Variants in TSHR observed in about 807,000 individuals in gnomAD.
The protein encoded by TSHR is thyroid stimulating hormone receptor, also known as thyrotropin receptor.
In TSHR, 51 loss-of-function variants were observed where a neutral mutation model predicts 64.1. That is an observed-to-expected ratio of 0.80 (90% confidence interval 0.64 to 1.01). The LOEUF is 1.01. TSHR is among the 50% of genes least tolerant of loss of function. The pLI is 0.00. For missense variants in TSHR, 877 were observed against 942.8 expected (o/e 0.93, Z 0.91); for synonymous variants, 361 against 361.9 (o/e 1.00, Z 0.03).
chr14:81,054,912 C>T (rs1434956890), intron 1 of TSHR, among the ~76,000 whole-genome samples: 5 of 152,134 alleles, frequency 3.3e-5, no homozygotes, highest in African/African-American at 9.7e-5. Context: ...AAATTCAAGC[C>T]AGCTGCAGAA....
chr14:81,036,447 G>C (rs1339143909), intron 1 of TSHR, among the ~76,000 whole-genome samples: 1 of 152,160 alleles, frequency 6.6e-6, no homozygotes, highest in Non-Finnish European at 1.5e-5. Flanking sequence ...AGTGCTTAAA[G>C]AGGTGAGGTG....
At position 81,143,064 on chromosome 14, in the gene TSHR, G is replaced by C; in HGVS notation, c.1006G>C (p.Gly336Arg). The C allele has an allele frequency of 1.2e-6, 2 of 1,614,112 alleles. No homozygotes were observed. Among genetic ancestry groups the C allele is most frequent in the Non-Finnish European group, 1.7e-6 (2 of 1,180,016 alleles). Reference protein sequence around the residue: ...YEENLGDSIVGYKEKSKFQDT... With the variant: ...YEENLGDSIVRYKEKSKFQDT... Reference sequence around the variant, plus strand: ...AGAGAATCTGGGTGACAGCATTGTTGGGTACAAGGAAAAGTCCAAGTTCCA... The same window carrying C: ...AGAGAATCTGGGTGACAGCATTGTTCGGTACAAGGAAAAGTCCAAGTTCCA... Residue 336 changes from glycine to arginine, a missense_variant, in exon 10 of 10, where the codon GGG (glycine) becomes CGG (arginine). By Grantham distance (125) the Gly-to-Arg change is moderately radical (BLOSUM62 -2). Coordinates refer to ENST00000298171, the MANE Select transcript of TSHR (RefSeq NM_000369.5).
chr14:81,063,774 G>C (rs1170259528), intron 2 of TSHR, among the ~76,000 whole-genome samples: 1 of 152,028 alleles, frequency 6.6e-6, no homozygotes, highest in African/African-American at 2.4e-5. Flanking sequence ...ATCATGATGG[G>C]GTCAGTTATT....
intron 3 of TSHR, among the ~76,000 whole-genome samples, chr14:81,072,873 T>C (rs1399428002): frequency 7.2e-6 from 1 of 139,632 alleles, no homozygotes; most frequent in Non-Finnish European, 1.5e-5. Context: ...GGCGGGCGCC[T>C]GTAGTCCCAG....
intron 2 of TSHR, among the ~76,000 whole-genome samples, chr14:81,066,707 G>T (rs80313043): frequency 0.011 from 1,649 of 152,270 alleles, 35 homozygotes; most frequent in African/African-American, 0.035. Context: ...AAAAATAAAA[G>T]TACTTGACTC....
In TSHR at chr14:81,073,005, A is replaced by T. The variant is rs200420707; in HGVS notation, c.317+4677A>T. Among the ~76,000 whole-genome samples the T allele has an allele frequency of 3.2e-3, 212 of 66,206 alleles. 41 individuals are homozygous for T. The highest frequency in any genetic ancestry group is 5.8e-3 in the East Asian group (17 of 2,946). The allele number at this position is 66,206 out of a possible 152,430, so 43.4% of individuals were successfully genotyped here. A position where few individuals can be genotyped will look rare whatever the true frequency, so the allele number is the denominator to read the frequency against. The stretch of plus-strand genomic sequence containing the variant: ...GAGCGAGACTCCGTCTCAAAAAAAA[A>T]AAAAAATAAAAAATAAATATATATA... On this transcript the variant is annotated intron_variant, in intron 3 of 9. Transcript: ENST00000298171.
chr14:81,032,978 C>T, intron 1 of TSHR: 1 of 349,964 alleles, frequency 2.9e-6, no homozygotes, highest in South Asian at 3.1e-5. Flanking sequence ...ACAAAAGGTG[C>T]ACCAAAAGTC....
At chr14:81,107,540 T>G in intron 7 of TSHR, among the ~76,000 whole-genome samples, 1 of 152,240 alleles carries the variant, frequency 6.6e-6, no homozygotes. Flanking sequence ...GAGGGAATTT[T>G]ATTTCAAAAT....
chr14:81,129,485 A>C (rs1250266550), intron 8 of TSHR, among the ~76,000 whole-genome samples: 1 of 152,176 alleles, frequency 6.6e-6, no homozygotes, highest in Non-Finnish European at 1.5e-5. Flanking sequence ...GGGCTTTTGC[A>C]GCTGAACATA....
chr14:81,079,537 A>T (rs1887739674), intron 3 of TSHR, among the ~76,000 whole-genome samples: 1 of 152,222 alleles, frequency 6.6e-6, no homozygotes, highest in African/African-American at 2.4e-5. Context: ...AATCTCTTTA[A>T]TTAAAATATC....
intron 1 of TSHR, among the ~76,000 whole-genome samples, chr14:80,967,283 A>ATT (rs35619720): frequency 6.3e-4 from 70 of 111,868 alleles, no homozygotes; most frequent in South Asian, 1.6e-3. Flanking sequence ...CCTGACTTAC[A>ATT]TTTTTTTTTT....
At chr14:81,019,957 T>A (rs1241836523) in intron 1 of TSHR, among the ~76,000 whole-genome samples, 3 of 152,212 alleles carry the variant, frequency 2.0e-5, no homozygotes, top group Non-Finnish European at 4.4e-5. Context: ...TGACTTATAA[T>A]CCTTTGGGTA....
chr14:81,108,229 A>G, intron 7 of TSHR, 146 bp from the exon 8 acceptor site: 1 of 720,394 alleles, frequency 1.4e-6, no homozygotes, highest in South Asian at 1.7e-5. Flanking sequence ...TAAGTGCTCA[A>G]GCCAGAAGAA....
intron 4 of TSHR, 69 bp from the exon 5 acceptor site, chr14:81,091,000 C>T: frequency 1.5e-6 from 2 of 1,329,406 alleles, no homozygotes; most frequent in Admixed American, 1.7e-5. Context: ...TTACATTATT[C>T]TCCTTCCTAT....
intron 1 of TSHR, among the ~76,000 whole-genome samples, chr14:81,040,561 A>C (rs1000264090): frequency 9.2e-5 from 14 of 152,272 alleles, no homozygotes; most frequent in Admixed American, 2.6e-4. Context: ...CAAAGCATAC[A>C]TCTGATAAAG....
intron 1 of TSHR, among the ~76,000 whole-genome samples, chr14:81,015,223 T>C (rs750999654): frequency 4.6e-5 from 7 of 152,190 alleles, no homozygotes; most frequent in South Asian, 2.1e-4. Flanking sequence ...TTACACTGTA[T>C]CTAGAAAGTT....
At position 81,146,063 on chromosome 14, in the gene TSHR, A is replaced by G. The variant is rs1282268816; in HGVS notation, c.*1710A>G. 1 of 230,694 alleles carries G rather than the reference A, an allele frequency of 4.3e-6. No homozygotes were observed. Among genetic ancestry groups the G allele is most frequent in the East Asian group, 6.1e-5 (1 of 16,266 alleles). 14.3% of individuals were successfully genotyped at this position (230,694 alleles called of 1,614,324 possible). A position where few individuals can be genotyped will look rare whatever the true frequency, so the allele number is the denominator to read the frequency against. ...AGAAATATTATAAACATCGAAAATC[A>G]TGACTTACCTAGAAGTTCGCTTGTA... On this transcript the variant is annotated 3_prime_UTR_variant, in exon 10 of 10. Coordinates refer to ENST00000298171, the MANE Select transcript of TSHR (RefSeq NM_000369.5).
chr14:81,102,121 G>A (rs1200230515), intron 7 of TSHR, among the ~76,000 whole-genome samples: 2 of 150,280 alleles, frequency 1.3e-5, no homozygotes, highest in African/African-American at 2.5e-5. Flanking sequence ...GCAGTGAGCC[G>A]AGATCGCACC....
At chr14:81,000,379 G>A (rs1781457003) in intron 1 of TSHR, among the ~76,000 whole-genome samples, 1 of 152,114 alleles carries the variant, frequency 6.6e-6, no homozygotes, top group African/African-American at 2.4e-5. Flanking sequence ...GGATGACCAG[G>A]ATCACTGCTG....
Sources: allele counts gnomAD v4.1 joint callset (sites outside exome capture counted in the v4.1 genomes callset), GRCh38; gene constraint gnomAD v4.1.1; transcripts MANE v1.5; gene names NCBI Gene and HGNC (gene_info 2026-07-23, HGNC 2026-07-21).